The following TMEM164 variants were observed in gnomAD, a reference collection of about 807,000 sequenced individuals.
TMEM164 encodes transmembrane protein 164, also known as RP13-360B22.2.
TMEM164 carries 4 observed loss-of-function variants against 18.8 expected under a neutral mutation model. The observed-to-expected ratio is 0.21, with a 90% confidence interval of 0.10 to 0.49. TMEM164 has a LOEUF of 0.49. Among genes scored for constraint, TMEM164 ranks in the 20% least tolerant of loss-of-function variants. TMEM164 has a pLI of 0.98. For missense variants in TMEM164, 108 were observed against 239.9 expected, an observed-to-expected ratio of 0.45 and a Z score of 3.63; for synonymous variants, 86 against 101.7, an observed-to-expected ratio of 0.85 and a Z score of 0.93.
chrX:110,160,795 T>G (rs752039149), intron 5 of TMEM164, among the ~76,000 whole-genome samples: 1 of 112,033 alleles, frequency 8.9e-6, no homozygotes, highest in Non-Finnish European at 1.9e-5. Flanking sequence ...GGCTGGAATG[T>G]AGTGGTGTGA....
intron 5 of TMEM164, among the ~76,000 whole-genome samples, chrX:110,160,582 T>C (rs941771760): frequency 8.9e-6 from 1 of 112,004 alleles, no homozygotes; most frequent in African/African-American, 3.2e-5. Flanking sequence ...AGTCCTTTGG[T>C]CTCCCCAGGC....
intron 2 of TMEM164, among the ~76,000 whole-genome samples, chrX:110,021,620 G>A (rs1038681328): frequency 6.3e-5 from 7 of 111,388 alleles, no homozygotes; most frequent in Non-Finnish European, 1.3e-4. Context: ...AGTGTGAAGC[G>A]GGGAGCAGGG....
chrX:110,067,405 A>G lies in TMEM164; in HGVS notation c.440+9A>G. The G allele has an allele frequency of 1.7e-6, 2 of 1,209,374 alleles. No individual in the cohort carries two copies. The highest frequency in any genetic ancestry group is 2.2e-6 in the Non-Finnish European group (2 of 893,401). ...GCTATCGTCGTCTTCAAGTAAGAGA[A>G]AATTGGCTTTTGCTCTGTTGCTCTT... is the stretch of plus-strand genomic sequence containing the variant. On this transcript the variant is annotated intron_variant, in intron 3 of 6. Coordinates refer to ENST00000372068, the MANE Select transcript of TMEM164 (RefSeq NM_032227.4).
At chrX:110,114,616 G>A (rs754627454) in intron 4 of TMEM164, among the ~76,000 whole-genome samples, 51 of 111,758 alleles carry the variant, frequency 4.6e-4, no homozygotes, top group African/African-American at 1.5e-3. Context: ...GGCCCATGCT[G>A]CAACTTCAGC....
chrX:110,020,782 C>T (rs1353923689), intron 2 of TMEM164: 2 of 564,308 alleles, frequency 3.5e-6, no homozygotes, highest in Non-Finnish European at 4.3e-6. Flanking sequence ...TTTATGGCAT[C>T]AGTGTTGGTG....
At chrX:110,180,560 C>T (rs2067320189), downstream of TMEM164, among the ~76,000 whole-genome samples, 1 of 103,837 alleles carries the variant, frequency 9.6e-6, no homozygotes, top group South Asian at 5.2e-4. Flanking sequence ...AGCTGCTGGG[C>T]AAAGGGGTTT....
chrX:110,167,890 AAC>A (rs1010076704), intron 5 of TMEM164, among the ~76,000 whole-genome samples: 13 of 111,816 alleles, frequency 1.2e-4, no homozygotes, highest in African/African-American at 1.6e-4. Context: ...AGCACTGAGA[AAC>A]AGTGTCCCCT....
At chrX:110,167,365 G>A (rs2067171207) in intron 5 of TMEM164, among the ~76,000 whole-genome samples, 1 of 112,216 alleles carries the variant, frequency 8.9e-6, no homozygotes, top group African/African-American at 3.2e-5. Flanking sequence ...CAAGGCCTTT[G>A]TTTTTAAACT....
chrX:110,081,001 G>T (rs2065748926), intron 3 of TMEM164, among the ~76,000 whole-genome samples: 1 of 105,390 alleles, frequency 9.5e-6, no homozygotes, highest in Non-Finnish European at 1.9e-5. Flanking sequence ...CTCCTAAAGT[G>T]CTGAGATTAC....
intron 2 of TMEM164, chrX:110,055,284 T>A (rs1376239855): frequency 2.6e-6 from 1 of 382,719 alleles, no homozygotes; most frequent in Admixed American, 2.6e-5. Context: ...GTGTTCTTTT[T>A]GGCTTTGTTC....
chrX:110,181,281 A>G (rs973297244), downstream of TMEM164, among the ~76,000 whole-genome samples: 1 of 112,323 alleles, frequency 8.9e-6, no homozygotes, highest in East Asian at 2.8e-4. Flanking sequence ...TATCAAGAAT[A>G]ATACCTAAAT....
chrX:110,084,353 A>AC (rs1242091310), intron 3 of TMEM164, among the ~76,000 whole-genome samples: 12 of 87,996 alleles, frequency 1.4e-4, no homozygotes, highest in Non-Finnish European at 2.0e-4. Flanking sequence ...AAAATACTAT[A>AC]TATATATAGT....
At chrX:110,183,008 C>T (rs190823943), downstream of TMEM164, among the ~76,000 whole-genome samples, 14 of 112,319 alleles carry the variant, frequency 1.2e-4, no homozygotes, top group Non-Finnish European at 2.4e-4. Flanking sequence ...GCTGCCCTCA[C>T]GTAACTGGGT....
chrX:110,051,583 C>CA lies in TMEM164; in HGVS notation c.391-15751dup, dbSNP rs752516546. On this transcript the variant is annotated intron_variant, in intron 2 of 6. Coordinates refer to ENST00000372068, the MANE Select transcript of TMEM164 (RefSeq NM_032227.4). Reference sequence around the variant, plus strand: ...ATACAAAAGAGAGGTAACTTTCTTTCAAAAAAAAAAAAAGAAAGAAAGAAA... The same window carrying CA: ...ATACAAAAGAGAGGTAACTTTCTTTCAAAAAAAAAAAAAAGAAAGAAAGAAA... Among the ~76,000 whole-genome samples, 211 of 65,824 alleles carry CA rather than the reference C, an allele frequency of 3.2e-3. No homozygotes were observed. In the Middle Eastern group the frequency reaches 0.033, roughly 10 times the overall value. 57.2% of individuals were successfully genotyped at this position (65,824 alleles called of 115,157 possible). A position where few individuals can be genotyped will look rare whatever the true frequency, so the allele number is the denominator to read the frequency against.
intron 3 of TMEM164, among the ~76,000 whole-genome samples, chrX:110,094,871 C>G (rs994952581): frequency 9.0e-6 from 1 of 111,590 alleles, no homozygotes; most frequent in African/African-American, 3.3e-5. Context: ...TAAGGCAGGC[C>G]TGGTGGTGAC....
chrX:110,011,377 A>T (rs1932997108), intron 2 of TMEM164, among the ~76,000 whole-genome samples: 1 of 111,347 alleles, frequency 9.0e-6, no homozygotes, highest in African/African-American at 3.3e-5. Flanking sequence ...GTGGCATTTG[A>T]GCTGGCTCAT....
Position 110,003,541 on chromosome X carries a change from C to T in TMEM164, c.-234C>T. 2.9e-6 allele frequency: 1 copy of T among 345,771 alleles called. No individual in the cohort carries two copies. Among genetic ancestry groups the T allele is most frequent in the Non-Finnish European group, 5.0e-6 (1 of 201,635 alleles). 28.5% of individuals were successfully genotyped at this position (345,771 alleles called of 1,213,427 possible). On this transcript the variant is annotated 5_prime_UTR_variant, in exon 2 of 7. Transcript: ENST00000372068. ...CTTTCAACCCTGCCTCGTTGGTGGC[C>T]ACTGGAGAAGCGCGGGGGGCTCCCC...
chrX:110,013,622 T>C (rs1179542740), intron 2 of TMEM164, among the ~76,000 whole-genome samples: 1 of 111,435 alleles, frequency 9.0e-6, no homozygotes, highest in Non-Finnish European at 1.9e-5. Flanking sequence ...AGTAGGGCAG[T>C]AGGAATGCTT....
chrX:110,120,454 A>C (rs1317426075), intron 4 of TMEM164, among the ~76,000 whole-genome samples: 2 of 112,070 alleles, frequency 1.8e-5, no homozygotes, highest in Non-Finnish European at 3.8e-5. Flanking sequence ...CACTCATTTA[A>C]AAATTTTACA....
Sources: gnomAD v4.1 joint callset for allele counts (sites outside exome capture counted in the v4.1 genomes callset) on GRCh38, gnomAD v4.1.1 for gene constraint, MANE v1.5 for transcripts, NCBI Gene and HGNC (gene_info 2026-07-23, HGNC 2026-07-21) for gene names.